Variants in CD109 observed in about 807,000 individuals in gnomAD.
CD109 encodes CD109 molecule.
Under a neutral mutation model 165.8 loss-of-function variants are expected in CD109, and 149 were observed. The observed-to-expected ratio is 0.90, with a 90% CI of 0.79 to 1.03. CD109 has a LOEUF of 1.03. Ranked by LOEUF, CD109 falls within the 50% of genes least tolerant of loss-of-function variation. The probability of loss-of-function intolerance (pLI) is 0.00; values close to 1 mark genes in which losing one functional copy is unlikely to be tolerated. For missense variants in CD109, 1,712 were observed against 1,677.8 expected (o/e 1.02, Z -0.36); for synonymous variants, 585 against 592.1 (o/e 0.99, Z 0.18).
chr6:73,804,581 C>T (rs1775499590), intron 24 of CD109, among the ~76,000 whole-genome samples: 1 of 152,160 alleles, frequency 6.6e-6, no homozygotes, highest in African/African-American at 2.4e-5. Flanking sequence ...CATAAACAGG[C>T]CCTGGGCTGT....
chr6:73,776,634 T>G (rs1158288627), intron 15 of CD109, among the ~76,000 whole-genome samples: 1 of 143,018 alleles, frequency 7.0e-6, no homozygotes, highest in Non-Finnish European at 1.5e-5. Context: ...CTTGGCTCAC[T>G]GCAACCTTCA....
chr6:73,683,198 A>G, the CD109 span, among the ~76,000 whole-genome samples: 107,751 of 152,108 alleles, frequency 0.71, 38,561 homozygotes, highest in African/African-American at 0.8. Flanking sequence ...TATGCTCTGT[A>G]TCGCTTTTGA....
chr6:73,756,179 A>C (rs1773383712), intron 5 of CD109, among the ~76,000 whole-genome samples: 1 of 152,232 alleles, frequency 6.6e-6, no homozygotes, highest in South Asian at 2.1e-4. Context: ...AAGATTTTGC[A>C]TCCTTAATTA....
chr6:73,772,437 C>T (rs1356218093), intron 15 of CD109, among the ~76,000 whole-genome samples: 5 of 139,468 alleles, frequency 3.6e-5, no homozygotes, highest in Admixed American at 2.4e-4. Flanking sequence ...TCCCAGGAGG[C>T]GGAGCTTGCA....
the CD109 span, among the ~76,000 whole-genome samples, chr6:73,683,127 T>A: frequency 6.6e-6 from 1 of 152,238 alleles, no homozygotes; most frequent in Non-Finnish European, 1.5e-5. Context: ...TTTGAATTTC[T>A]CCTCAGAAAA....
intron 2 of CD109, among the ~76,000 whole-genome samples, chr6:73,710,905 A>T (rs7739455): frequency 0.44 from 67,517 of 152,126 alleles, 15,247 homozygotes; most frequent in African/African-American, 0.52. Context: ...CATAAACAAA[A>T]GAGCATGGTT....
chr6:73,737,974 A>G (rs542893787), intron 5 of CD109, among the ~76,000 whole-genome samples: 80 of 152,242 alleles, frequency 5.3e-4, no homozygotes, highest in Non-Finnish European at 1.1e-3. Flanking sequence ...CCACCCACCC[A>G]CCAACCCAGT....
chr6:73,823,297 G>A (rs1043168019), intron 32 of CD109, among the ~76,000 whole-genome samples, 161 bp from the exon 33 acceptor site: 31 of 152,156 alleles, frequency 2.0e-4, no homozygotes, highest in African/African-American at 7.0e-4. Context: ...TTAGTACTTT[G>A]GACCACTCTT....
At chr6:73,709,372 G>A (rs1164561964) in intron 2 of CD109, among the ~76,000 whole-genome samples, 1 of 152,086 alleles carries the variant, frequency 6.6e-6, no homozygotes, top group Non-Finnish European at 1.5e-5. Context: ...CTCTGTTTTG[G>A]TACCAGTACC....
chr6:73,792,460 G>A (rs1488521819), intron 22 of CD109, among the ~76,000 whole-genome samples, 166 bp from the exon 23 acceptor site: 2 of 152,102 alleles, frequency 1.3e-5, no homozygotes, highest in African/African-American at 4.8e-5. Flanking sequence ...TTTTTGACCA[G>A]TCTTCCTAAA....
the CD109 span, among the ~76,000 whole-genome samples, chr6:73,689,269 G>C: frequency 6.6e-6 from 1 of 152,178 alleles, no homozygotes; most frequent in Non-Finnish European, 1.5e-5. Context: ...ATTTATAGCT[G>C]TTGGATCAGA....
rs1232222014 is a variant in CD109 at position 73,752,714 on chromosome 6, G to A, written c.634-3929G>A. On this transcript the variant is annotated intron_variant, in intron 5 of 32. Coordinates refer to ENST00000287097, the MANE Select transcript of CD109 (RefSeq NM_133493.5). ...GGAAAGAAGAGCTCAGGAGACATGAGTTATGCTTCTCTTGCCTGGGGAGGT... is the reference window on the plus strand; with the variant it reads ...GGAAAGAAGAGCTCAGGAGACATGAATTATGCTTCTCTTGCCTGGGGAGGT... 5.3e-5 allele frequency among the ~76,000 whole-genome samples: 8 copies of A among 152,306 alleles called. No individual in the cohort carries two copies. In the South Asian group the frequency reaches 1.7e-3, roughly 32 times the overall value.
At chr6:73,748,193 A>G (rs1268451423) in intron 5 of CD109, among the ~76,000 whole-genome samples, 3 of 152,018 alleles carry the variant, frequency 2.0e-5, no homozygotes, top group African/African-American at 7.2e-5. Flanking sequence ...AGCCACTATT[A>G]TATTGTTCCT....
At chr6:73,797,741 T>C (rs1410131575) in intron 23 of CD109, among the ~76,000 whole-genome samples, 1 of 152,190 alleles carries the variant, frequency 6.6e-6, no homozygotes, top group East Asian at 1.9e-4. Context: ...TTTATTATAA[T>C]AAATTTTGAA....
chr6:73,783,090 A>G (rs915968032), intron 18 of CD109, among the ~76,000 whole-genome samples: 7 of 152,012 alleles, frequency 4.6e-5, no homozygotes, highest in African/African-American at 1.7e-4. Flanking sequence ...GGAAGCACTC[A>G]TGATTACCTC....
chr6:73,707,509 C>T (rs1771325698), intron 2 of CD109, among the ~76,000 whole-genome samples: 1 of 152,092 alleles, frequency 6.6e-6, no homozygotes, highest in Non-Finnish European at 1.5e-5. Context: ...TTGGGAGGCA[C>T]AGTGGGTTAG....
chr6:73,706,151 A>C (rs941279961), intron 2 of CD109, among the ~76,000 whole-genome samples: 1 of 152,178 alleles, frequency 6.6e-6, no homozygotes, highest in African/African-American at 2.4e-5. Flanking sequence ...ATGAAGAATA[A>C]AATTGAAATA....
At chr6:73,802,590 C>T (rs1476834769) in intron 23 of CD109, among the ~76,000 whole-genome samples, 1 of 151,648 alleles carries the variant, frequency 6.6e-6, no homozygotes, top group Non-Finnish European at 1.5e-5. Context: ...GAACACTAGA[C>T]AGTTAAATAA....
chr6:73,823,368 A>C lies in CD109; in HGVS notation c.4163-90A>C, dbSNP rs577700184. 36 of 973,818 alleles carry C rather than the reference A, an allele frequency of 3.7e-5. No individual in the cohort carries two copies. The African/African-American group carries it at 5.6e-4, about 15-fold the overall frequency. The allele number at this position is 973,818 out of a possible 1,614,324, so 60.3% of individuals were successfully genotyped here. A position where few individuals can be genotyped will look rare whatever the true frequency, so the allele number is the denominator to read the frequency against. On this transcript the variant is annotated intron_variant, in intron 32 of 32. Coordinates refer to ENST00000287097, the MANE Select transcript of CD109 (RefSeq NM_133493.5). ...ATTAGGTTAAGAATGGAAAACTCAGAAAAGTGTATCGAAATGCTCTTATAT... is the reference window on the plus strand; with the variant it reads ...ATTAGGTTAAGAATGGAAAACTCAGCAAAGTGTATCGAAATGCTCTTATAT...
Sources: allele counts gnomAD v4.1 joint callset (sites outside exome capture counted in the v4.1 genomes callset), GRCh38; gene constraint gnomAD v4.1.1; transcripts MANE v1.5; gene names NCBI Gene and HGNC (gene_info 2026-07-23, HGNC 2026-07-21).